Variants in GPHN observed in about 807,000 individuals in gnomAD.
The protein encoded by GPHN is gephyrin.
GPHN carries 17 observed loss-of-function variants against 95.5 expected under a neutral mutation model. The observed-to-expected ratio is 0.18, with a 90% CI of 0.12 to 0.27. The LOEUF is 0.27. GPHN is among the 10% of genes least tolerant of loss of function. The pLI is 1.00. For missense variants in GPHN, 660 were observed against 978.1 expected (o/e 0.67, Z 4.34); for synonymous variants, 320 against 322.5 (o/e 0.99, Z 0.08).
At chr14:66,879,413 T>G (rs1249475616) in intron 4 of GPHN, among the ~76,000 whole-genome samples, 1 of 151,686 alleles carries the variant, frequency 6.6e-6, no homozygotes, top group Non-Finnish European at 1.5e-5. Flanking sequence ...CACTAAAGAT[T>G]AGGAAGATGG....
intron 1 of GPHN, among the ~76,000 whole-genome samples, chr14:66,565,968 C>CTTTTT (rs60387447): frequency 2.8e-5 from 4 of 143,282 alleles, no homozygotes; most frequent in African/African-American, 1.0e-4. Flanking sequence ...AAAGAAAATT[C>CTTTTT]TTTTTTTTTT....
intron 3 of GPHN, among the ~76,000 whole-genome samples, chr14:66,782,393 A>G (rs1566939691): frequency 6.6e-6 from 1 of 152,182 alleles, no homozygotes; most frequent in Non-Finnish European, 1.5e-5. Flanking sequence ...TGCTCCAGAT[A>G]ACATTATAAT....
chr14:67,369,817 A>G, the GPHN span, among the ~76,000 whole-genome samples: 2 of 152,336 alleles, frequency 1.3e-5, no homozygotes, highest in East Asian at 3.9e-4. Context: ...AGAAGATAAA[A>G]GAAAGGAAAG....
At chr14:66,613,410 C>G (rs1005616829) in intron 1 of GPHN, among the ~76,000 whole-genome samples, 1 of 152,042 alleles carries the variant, frequency 6.6e-6, no homozygotes, top group Non-Finnish European at 1.5e-5. Context: ...AAATCACCAA[C>G]AAAATGCATC....
chr14:66,789,621 C>A (rs963680744), intron 3 of GPHN, among the ~76,000 whole-genome samples: 2 of 152,130 alleles, frequency 1.3e-5, no homozygotes, highest in African/African-American at 2.4e-5. Context: ...AATTAAGGGT[C>A]TCATTTTTAT....
the GPHN span, among the ~76,000 whole-genome samples, chr14:67,434,324 A>G: frequency 6.6e-6 from 1 of 152,246 alleles, no homozygotes; most frequent in Non-Finnish European, 1.5e-5. Flanking sequence ...AACAGTTCCT[A>G]TCCTTTGATT....
At chr14:67,269,333 G>GTT in the GPHN span, among the ~76,000 whole-genome samples, 1 of 151,150 alleles carries the variant, frequency 6.6e-6, no homozygotes, top group Non-Finnish European at 1.5e-5. Flanking sequence ...TTTTGTACAA[G>GTT]TTTTTGTGTG....
chr14:67,348,178 G>A, the GPHN span, among the ~76,000 whole-genome samples: 1 of 151,954 alleles, frequency 6.6e-6, no homozygotes, highest in Non-Finnish European at 1.5e-5. Flanking sequence ...GGGTCCAAGT[G>A]AGTCTCCTGC....
intron 21 of GPHN, among the ~76,000 whole-genome samples, chr14:67,169,853 G>A (rs1392022206): frequency 6.6e-6 from 1 of 152,236 alleles, no homozygotes; most frequent in Non-Finnish European, 1.5e-5. Flanking sequence ...GAGGCAGGTG[G>A]ATCACCTGAG....
chr14:67,013,142 T>G (rs977139925), intron 9 of GPHN, among the ~76,000 whole-genome samples: 4 of 152,022 alleles, frequency 2.6e-5, no homozygotes, highest in Non-Finnish European at 5.9e-5. Flanking sequence ...TACTCTTTTT[T>G]ATTATTATTA....
the GPHN span, among the ~76,000 whole-genome samples, chr14:67,558,122 G>A: frequency 6.6e-6 from 1 of 152,212 alleles, no homozygotes; most frequent in Non-Finnish European, 1.5e-5. Context: ...CTACCTGCCA[G>A]TTCCTGTGTC....
the GPHN span, among the ~76,000 whole-genome samples, chr14:67,514,512 G>A: frequency 6.6e-6 from 1 of 152,082 alleles, no homozygotes; most frequent in East Asian, 1.9e-4. Context: ...CCTAGGTGTG[G>A]GGTCCATCAC....
At chr14:66,919,364 T>TA (rs1185849376) in intron 6 of GPHN, among the ~76,000 whole-genome samples, 5 of 152,070 alleles carry the variant, frequency 3.3e-5, no homozygotes, top group Admixed American at 2.0e-4. Flanking sequence ...GCATGTGTGT[T>TA]AAAAAAATGA....
At chr14:67,638,847 C>A in the GPHN span, among the ~76,000 whole-genome samples, 19 of 152,182 alleles carry the variant, frequency 1.2e-4, no homozygotes, top group African/African-American at 4.3e-4. Flanking sequence ...AATGCCCGTG[C>A]ATAATTATGT....
intron 4 of GPHN, among the ~76,000 whole-genome samples, chr14:66,833,703 A>G (rs1356006120): frequency 2.0e-5 from 3 of 151,410 alleles, no homozygotes; most frequent in South Asian, 2.1e-4. Flanking sequence ...CTGCAAACCT[A>G]GTAACTATCC....
the GPHN span, chr14:67,734,115 G>T: frequency 2.8e-6 from 1 of 355,954 alleles, no homozygotes; most frequent in Non-Finnish European, 5.5e-6. Flanking sequence ...GGACTGGGCA[G>T]ATCCCAGGCT....
At chr14:67,590,481 C>T in the GPHN span, among the ~76,000 whole-genome samples, 53 of 152,234 alleles carry the variant, frequency 3.5e-4, no homozygotes, top group South Asian at 1.0e-3. Flanking sequence ...GCCTCAGCCT[C>T]CCAAGTAGCT....
intron 18 of GPHN, among the ~76,000 whole-genome samples, chr14:67,153,039 G>A (rs151315517): frequency 8.6e-5 from 13 of 151,104 alleles, no homozygotes; most frequent in South Asian, 2.1e-4. Flanking sequence ...AGTGGCTCAC[G>A]CCTGTAATCC....
At chr14:67,119,661 A>G (rs1205243009) in intron 16 of GPHN, among the ~76,000 whole-genome samples, 1 of 152,026 alleles carries the variant, frequency 6.6e-6, no homozygotes, top group Admixed American at 6.5e-5. Flanking sequence ...GTGGTGGCGC[A>G]TGCCTGTAAT....
Sources: allele counts gnomAD v4.1 joint callset (sites outside exome capture counted in the v4.1 genomes callset), GRCh38; gene constraint gnomAD v4.1.1; transcripts MANE v1.5; gene names NCBI Gene and HGNC (gene_info 2026-07-23, HGNC 2026-07-21).